Variants in ZFC3H1 observed in about 807,000 individuals in gnomAD.
ZFC3H1 encodes the protein zinc finger C3H1 domain-containing protein.
In ZFC3H1, 71 loss-of-function variants were observed where a neutral mutation model predicts 243.7. That is an observed-to-expected ratio of 0.29 (90% CI 0.24 to 0.36). ZFC3H1 has a LOEUF of 0.36. ZFC3H1 is among the 10% of genes least tolerant of loss of function. The pLI is 1.00. For missense variants in ZFC3H1, 1,966 were observed against 2,317.1 expected (o/e 0.85, Z 3.11); for synonymous variants, 838 against 813.0 (o/e 1.03, Z -0.52).
At position 71,615,260 on chromosome 12, in the gene ZFC3H1, T is replaced by A; in HGVS notation, c.5201A>T (p.Asn1734Ile). The A allele has an allele frequency of 6.2e-7, 1 of 1,613,648 alleles. No individual in the cohort carries two copies. Among genetic ancestry groups the A allele is most frequent in the Non-Finnish European group, 8.5e-7 (1 of 1,179,836 alleles). ...IDIPSRLCKG[N>I]FDDDMFNHQV... ...GTGGTTAAACATATCATCATCAAAATTCCCTTTACATAAACGAGATGGAAT... is the reference window on the plus strand; with the variant it reads ...GTGGTTAAACATATCATCATCAAAAATCCCTTTACATAAACGAGATGGAAT... Residue 1734 changes from asparagine to isoleucine, a missense_variant, in exon 28 of 35, where the codon AAT (asparagine) becomes ATT (isoleucine). Around this residue, in one of 4 missense-constraint regions of ZFC3H1, gnomAD observed 1,383 missense variants for 1,723.7 expected, o/e 0.80. Transcript: ENST00000378743.
rs56384440 is a variant in ZFC3H1 at position 71,626,323 on chromosome 12, G to A, written c.4254C>T (p.Asp1418=). The A allele has an allele frequency of 4.3e-3, 6,866 of 1,613,652 alleles. 264 individuals carry two copies. In the African/African-American group the frequency reaches 0.079, roughly 18 times the overall value. ...CTGTTTCACACATTTCCTGCACCTC[G>A]TCCTTGGTTCCTCTTTTTGAGAACA... ...LRLFSKRGTK[D]EVQEMCETAV... The change falls in exon 22 of 35, where the codon GAC becomes GAT. Residue 1418 remains aspartate (D), a synonymous_variant. Coordinates refer to ENST00000378743, the MANE Select transcript of ZFC3H1 (RefSeq NM_144982.5).
chr12:71,651,959 G>A (rs987584194), intron 2 of ZFC3H1, among the ~76,000 whole-genome samples: 1 of 152,112 alleles, frequency 6.6e-6, no homozygotes, highest in African/African-American at 2.4e-5. Flanking sequence ...AAACTGATAT[G>A]GATTACAAAC....
At chr12:71,635,006 G>A (rs947151855) in intron 10 of ZFC3H1, among the ~76,000 whole-genome samples, 181 bp from the exon 11 acceptor site, 3 of 151,846 alleles carry the variant, frequency 2.0e-5, no homozygotes, top group African/African-American at 7.3e-5. Flanking sequence ...AATTGTATAC[G>A]CCACCAAGTA....
chr12:71,661,090 T>C (rs1307575609), intron 1 of ZFC3H1, among the ~76,000 whole-genome samples: 1 of 151,712 alleles, frequency 6.6e-6, no homozygotes, highest in African/African-American at 2.4e-5. Flanking sequence ...GATCACGGAG[T>C]CAGGAGATCG....
At chr12:71,651,506 G>C (rs1167052747) in intron 2 of ZFC3H1, among the ~76,000 whole-genome samples, 1 of 152,158 alleles carries the variant, frequency 6.6e-6, no homozygotes, top group Non-Finnish European at 1.5e-5. Flanking sequence ...CTGGAATAAA[G>C]TGCTCAACTA....
chr12:71,629,434 T>A (rs914609036), intron 19 of ZFC3H1, among the ~76,000 whole-genome samples, 175 bp downstream of exon 19: 11 of 152,074 alleles, frequency 7.2e-5, no homozygotes, highest in African/African-American at 2.7e-4. Context: ...CCCAAAGTGC[T>A]GGGATTACAG....
chr12:71,610,770 T>A lies in ZFC3H1; in HGVS notation c.5770-13A>T. The A allele has an allele frequency of 6.2e-7, 1 of 1,609,896 alleles. No individual in the cohort carries two copies. Among genetic ancestry groups the A allele is most frequent in the South Asian group, 1.1e-5 (1 of 90,598 alleles). On this transcript the variant is annotated splice_polypyrimidine_tract_variant and intron_variant, in intron 33 of 34. Transcript: ENST00000378743. ...ATAAACGGTGGACCTGTAAGATAGA[T>A]ATACACACAATTCCATCAGAAAATA...
chr12:71,636,651 T>C lies in ZFC3H1; in HGVS notation c.1939A>G (p.Thr647Ala), dbSNP rs755276132. The C allele has an allele frequency of 8.1e-6, 13 of 1,602,868 alleles. No homozygotes were observed. The highest frequency in any genetic ancestry group is 8.1e-5 in the African/African-American group (6 of 74,242). The part of the protein sequence containing the change: ...ANKRAFKPEE[T>A]SSNSDPPSPP... ...GAAGGTGGGTCACTATTACTGGATG[T>C]TTCCTACATAAGGAAGAGAAAGACA... Residue 647 changes from threonine (T) to alanine (A), a missense_variant, in exon 9 of 35, where the codon ACA (threonine) becomes GCA (alanine). Thr to Ala is a moderately conservative substitution (Grantham distance 58). This residue lies in a region of ZFC3H1 where 1,383 missense variants were observed against 1,723.7 expected (regional missense o/e 0.80). Coordinates refer to ENST00000378743, the MANE Select transcript of ZFC3H1 (RefSeq NM_144982.5).
chr12:71,633,584 A>G (rs1880379138), intron 12 of ZFC3H1, 146 bp from the exon 13 acceptor site: 1 of 613,230 alleles, frequency 1.6e-6, no homozygotes, highest in Non-Finnish European at 2.8e-6. Flanking sequence ...ATATTTTTAT[A>G]TTCATCACAC....
chr12:71,610,406 T>C lies in ZFC3H1; in HGVS notation c.*22A>G. The C allele has an allele frequency of 6.2e-7, 1 of 1,609,770 alleles. No homozygotes were observed. The highest frequency in any genetic ancestry group is 1.1e-5 in the South Asian group (1 of 90,498). On this transcript the variant is annotated 3_prime_UTR_variant, in exon 35 of 35. Transcript: ENST00000378743. The stretch of plus-strand genomic sequence containing the variant: ...AATTTTGGCAATTATTATAAGGACT[T>C]AGAACTGACTGCACCCAGTGTTCAG...
chr12:71,661,447 G>C (rs1349899338), intron 1 of ZFC3H1, among the ~76,000 whole-genome samples: 2 of 150,732 alleles, frequency 1.3e-5, no homozygotes, highest in South Asian at 2.1e-4. Context: ...AGAACCATTT[G>C]CTGGCTTTTA....
At chr12:71,612,008 A>G in intron 31 of ZFC3H1, 121 bp from the exon 32 acceptor site, 1 of 543,940 alleles carries the variant, frequency 1.8e-6, no homozygotes, top group Non-Finnish European at 3.2e-6. Flanking sequence ...AAGACTACCC[A>G]GCAAATATTT....
Position 71,627,950 on chromosome 12 carries a change from GTAT to G in ZFC3H1, c.3947-19_3947-17del, listed in dbSNP as rs779699992. 2.2e-5 allele frequency: 35 copies of G among 1,603,904 alleles called. No individual in the cohort carries two copies. In the South Asian group the frequency reaches 2.9e-4, roughly 13 times the overall value. On this transcript the variant is annotated splice_polypyrimidine_tract_variant and intron_variant, in intron 20 of 34. Coordinates refer to ENST00000378743, the MANE Select transcript of ZFC3H1 (RefSeq NM_144982.5). Reference sequence around the variant, plus strand: ...GGCTGGAAAGCTATTTAAAAAAAAAGTATTATTAGCTTCACATTTTCTTTAGTC... The same window carrying G: ...GGCTGGAAAGCTATTTAAAAAAAAAGTATTAGCTTCACATTTTCTTTAGTC...
At chr12:71,629,157 ATTTT>A (rs201091738) in intron 19 of ZFC3H1, 120 bp from the exon 20 acceptor site, 224 of 642,156 alleles carry the variant, frequency 3.5e-4, no homozygotes, top group South Asian at 4.8e-4. Context: ...AATGATACGT[ATTTT>A]TTTTTTTTTT....
chr12:71,618,529 A>G (rs1378635061), intron 27 of ZFC3H1, among the ~76,000 whole-genome samples: 3 of 152,214 alleles, frequency 2.0e-5, no homozygotes, highest in Non-Finnish European at 2.9e-5. Flanking sequence ...TTTTGTAAAC[A>G]GTTATACTGG....
Position 71,631,858 on chromosome 12 carries a change from T to C in ZFC3H1, c.3390A>G (p.Thr1130=), listed in dbSNP as rs891221510. 4 of 1,613,728 alleles carry C rather than the reference T, an allele frequency of 2.5e-6. No individual in the cohort carries two copies. Among genetic ancestry groups the C allele is most frequent in the Admixed American group, 3.3e-5 (2 of 59,988 alleles). ...QEISVDVDFV[T]AQSKTMEVKP... ...TCACTTCCATTGTTTTACTTTGTGCTGTGACAAAATCCACATCTACAGAAA... is the reference window on the plus strand; with the variant it reads ...TCACTTCCATTGTTTTACTTTGTGCCGTGACAAAATCCACATCTACAGAAA... Residue 1130 remains threonine, a synonymous_variant, in exon 16 of 35, where the codon ACA becomes ACG. Coordinates refer to ENST00000378743, the MANE Select transcript of ZFC3H1 (RefSeq NM_144982.5).
At chr12:71,643,651 T>C (rs1012025249) in intron 5 of ZFC3H1, among the ~76,000 whole-genome samples, 4 of 152,162 alleles carry the variant, frequency 2.6e-5, no homozygotes, top group African/African-American at 9.7e-5. Context: ...CAACAAATGT[T>C]TGACCACTAA....
At chr12:71,634,073 T>C in intron 12 of ZFC3H1, 82 bp downstream of exon 12, 8 of 1,360,152 alleles carry the variant, frequency 5.9e-6, no homozygotes, top group Non-Finnish European at 7.0e-6. Context: ...AATCTTATAG[T>C]ACGCTTATTA....
At chr12:71,611,245 C>A in intron 32 of ZFC3H1, 148 bp from the exon 33 acceptor site, 1 of 732,316 alleles carries the variant, frequency 1.4e-6, no homozygotes, top group Non-Finnish European at 1.9e-6. Context: ...GCTAAACTTC[C>A]AAGGAGGAAA....
Sources: allele counts gnomAD v4.1 joint callset (sites outside exome capture counted in the v4.1 genomes callset), GRCh38; gene constraint gnomAD v4.1.1; regional missense constraint gnomAD v4.1.1; transcripts MANE v1.5; gene names NCBI Gene and HGNC (gene_info 2026-07-23, HGNC 2026-07-21).